Variants in EFNB1 observed in about 807,000 individuals in gnomAD.
EFNB1 encodes the protein ephrin-B1.
EFNB1 carries 1 observed loss-of-function variant against 18.1 expected under a neutral mutation model. That is an observed-to-expected ratio of 0.06 (90% CI 0.02 to 0.26). The LOEUF (loss-of-function observed/expected upper bound fraction) is 0.26, where lower values mean the gene tolerates loss of function less well. Among genes scored for constraint, EFNB1 ranks in the 10% least tolerant of loss-of-function variants. EFNB1 has a pLI of 1.00. For synonymous variants in EFNB1, 131 were observed against 127.5 expected, an observed-to-expected ratio of 1.03 and a Z score of -0.19; for missense variants, 221 against 301.8, an observed-to-expected ratio of 0.73 and a Z score of 1.98.
At chrX:68,837,979 C>T (rs775728921) in intron 1 of EFNB1, among the ~76,000 whole-genome samples, 14 of 112,109 alleles carry the variant, frequency 1.2e-4, no homozygotes, top group Non-Finnish European at 2.3e-4. Context: ...TTGCTCCAGG[C>T]GATGCCTGTT....
intron 1 of EFNB1, among the ~76,000 whole-genome samples, chrX:68,830,353 G>A (rs2080441559): frequency 1.8e-5 from 2 of 113,030 alleles, no homozygotes; most frequent in Non-Finnish European, 3.8e-5. Context: ...GCTGTGGAGG[G>A]AACACAGAGC....
intron 1 of EFNB1, among the ~76,000 whole-genome samples, chrX:68,835,541 C>G (rs567193252): frequency 1.8e-5 from 2 of 111,093 alleles, no homozygotes; most frequent in East Asian, 5.7e-4. Context: ...CCCTTATGGC[C>G]CGTTACCACT....
chrX:68,840,717 C>A lies in EFNB1; in HGVS notation c.*63C>A. On this transcript the variant is annotated 3_prime_UTR_variant, in exon 5 of 5. Coordinates refer to ENST00000204961, the MANE Select transcript of EFNB1 (RefSeq NM_004429.5). ...GCCTGGACCGGACCTCTCCTTTCGC[C>A]CCCACACCCCCTCCCCTTGCCAGCT... 9.1e-7 allele frequency: 1 copy of A among 1,094,369 alleles called. No homozygotes were observed. Among genetic ancestry groups the A allele is most frequent in the Non-Finnish European group, 1.2e-6 (1 of 807,443 alleles). 90.2% of individuals were successfully genotyped at this position (1,094,369 alleles called of 1,213,427 possible).
intron 1 of EFNB1, among the ~76,000 whole-genome samples, chrX:68,834,164 A>C (rs1022122709): frequency 8.9e-6 from 1 of 111,812 alleles, no homozygotes; most frequent in African/African-American, 3.3e-5. Context: ...CAACTTCCTC[A>C]TTTGACTTTT....
chrX:68,829,169 C>T lies in EFNB1; in HGVS notation c.-608C>T, dbSNP rs753539365. Reference sequence around the variant, plus strand: ...GGGGCGCAAACTAATGGGACTGGCTCGCTCGGCAGCATCTCCCCGCTCTTC... The same window carrying T: ...GGGGCGCAAACTAATGGGACTGGCTTGCTCGGCAGCATCTCCCCGCTCTTC... On this transcript the variant is annotated 5_prime_UTR_variant, in exon 1 of 5. Coordinates refer to ENST00000204961, the MANE Select transcript of EFNB1 (RefSeq NM_004429.5). 2 of 116,169 alleles carry T rather than the reference C, an allele frequency of 1.7e-5. No homozygotes were observed. Among genetic ancestry groups the T allele is most frequent in the Admixed American group, 1.8e-4 (2 of 11,064 alleles). The allele number at this position is 116,169 out of a possible 1,213,427, so 9.6% of individuals were successfully genotyped here.
chrX:68,830,656 C>T (rs1461883411), intron 1 of EFNB1, among the ~76,000 whole-genome samples: 1 of 112,134 alleles, frequency 8.9e-6, no homozygotes, highest in Non-Finnish European at 1.9e-5. Flanking sequence ...TTCAAGGGCC[C>T]GCCAGGGCGG....
intron 4 of EFNB1, 68 bp from the exon 5 acceptor site, chrX:68,840,174 T>C: frequency 8.3e-7 from 1 of 1,210,101 alleles, no homozygotes; most frequent in East Asian, 3.0e-5. Flanking sequence ...AAGCTGGGCC[T>C]GGCCTGAAAT....
chrX:68,839,849 G>A lies in EFNB1; in HGVS notation c.499+93G>A, dbSNP rs746782658. 1,404 of 1,176,580 alleles carry A rather than the reference G, an allele frequency of 1.2e-3. 16 individuals are homozygous for A. Among genetic ancestry groups the A allele is most frequent in the Non-Finnish European group, 9.1e-5 (79 of 870,076 alleles). The stretch of plus-strand genomic sequence containing the variant: ...GGGTGCATGTGTATTAGGAGTGGGG[G>A]AGCAGGCGTAGGGTTACAGTATCCA... On this transcript the variant is annotated intron_variant, in intron 3 of 4. Coordinates refer to ENST00000204961, the MANE Select transcript of EFNB1 (RefSeq NM_004429.5).
rs2080438481 is a variant in EFNB1, at chrX:68,829,628, G to A, written c.-149G>A. The A allele has an allele frequency of 2.0e-6, 2 of 997,038 alleles. No individual in the cohort carries two copies. Among genetic ancestry groups the A allele is most frequent in the Non-Finnish European group, 2.7e-6 (2 of 734,790 alleles). The allele number at this position is 997,038 out of a possible 1,213,427, so 82.2% of individuals were successfully genotyped here. On this transcript the variant is annotated 5_prime_UTR_variant, in exon 1 of 5. Coordinates refer to ENST00000204961, the MANE Select transcript of EFNB1 (RefSeq NM_004429.5). ...CGGCCGGGCGGAGAAGAGCGACACC[G>A]AAGCCGGCGGGAGGGGAGCACTTCA...
chrX:68,834,634 A>G (rs2080455945), intron 1 of EFNB1, among the ~76,000 whole-genome samples: 1 of 113,002 alleles, frequency 8.8e-6, no homozygotes, highest in Non-Finnish European at 1.9e-5. Context: ...CTGGGATGAG[A>G]ACAGACTTGA....
At chrX:68,831,499 G>A (rs2080445383) in intron 1 of EFNB1, among the ~76,000 whole-genome samples, 2 of 111,451 alleles carry the variant, frequency 1.8e-5, no homozygotes, top group Admixed American at 9.5e-5. Flanking sequence ...GAGCCCAGGG[G>A]GGAACGTTGT....
chrX:68,838,557 C>T lies in EFNB1; in HGVS notation c.129-60C>T, dbSNP rs2080468251. On this transcript the variant is annotated intron_variant, in intron 1 of 4. Transcript: ENST00000204961. ...CCGGCTCTTGTCCGCTTCCCTGGTT[C>T]TGGAATGGCCTGGGGCCACCCCCAA... The T allele has an allele frequency of 5.0e-6, 6 of 1,194,250 alleles. No homozygotes were observed. In the African/African-American group the frequency reaches 1.0e-4, roughly 21 times the overall value.
At chrX:68,833,251 G>A (rs1224304059) in intron 1 of EFNB1, among the ~76,000 whole-genome samples, 1 of 111,371 alleles carries the variant, frequency 9.0e-6, no homozygotes, top group Non-Finnish European at 1.9e-5. Context: ...CCTTTTCCGG[G>A]GTGGTTAGGG....
rs1206291895 is a variant in EFNB1 at position 68,829,737 on chromosome X, G to A, written c.-40G>A. 2 of 1,174,485 alleles carry A rather than the reference G, an allele frequency of 1.7e-6. No individual in the cohort carries two copies. Among genetic ancestry groups the A allele is most frequent in the Admixed American group, 5.0e-5 (2 of 40,081 alleles). ...AAGGCGAGGCGAGCTTTGGTGAGGAGGCGCCAAGGGATCCCGAAGTGCAGT... is the reference window on the plus strand; with the variant it reads ...AAGGCGAGGCGAGCTTTGGTGAGGAAGCGCCAAGGGATCCCGAAGTGCAGT... On this transcript the variant is annotated 5_prime_UTR_variant, in exon 1 of 5. Transcript: ENST00000204961.
chrX:68,834,057 C>A (rs7050877), intron 1 of EFNB1, among the ~76,000 whole-genome samples: 1 of 112,311 alleles, frequency 8.9e-6, no homozygotes, highest in Non-Finnish European at 1.9e-5. Context: ...GGGAAGAGGC[C>A]CTGGCTCCCT....
rs762694943 is a variant in EFNB1 at position 68,840,009 on chromosome X, G to T, written c.549G>T (p.Lys183Asn). 1 of 1,212,106 alleles carries T rather than the reference G, an allele frequency of 8.3e-7. No individual in the cohort carries two copies. Among genetic ancestry groups the T allele is most frequent in the Non-Finnish European group, 1.1e-6 (1 of 895,530 alleles). The change falls in exon 4 of 5, where the codon AAG becomes AAT. Residue 183 changes from lysine (K) to asparagine (N), a missense_variant. By Grantham distance (94) the Lys-to-Asn change is moderately conservative. Coordinates refer to ENST00000204961, the MANE Select transcript of EFNB1 (RefSeq NM_004429.5). ...PEQLTTSRPS[K>N]EADNTVKMAT... ...AGCTGACTACCAGCAGGCCCAGCAAGGAGGCAGACAACACTGTCAAGATGG... is the reference window on the plus strand; with the variant it reads ...AGCTGACTACCAGCAGGCCCAGCAATGAGGCAGACAACACTGTCAAGATGG...
At chrX:68,838,172 T>TGTGCGC (rs1414068420) in intron 1 of EFNB1, among the ~76,000 whole-genome samples, 1 of 31,752 alleles carries the variant, frequency 3.1e-5, no homozygotes, top group Non-Finnish European at 5.4e-5. Flanking sequence ...TGTGTGTGTG[T>TGTGCGC]GCGCGCGCGC....
rs906920272 is a variant in EFNB1, at chrX:68,830,020, T to C, written c.128+116T>C. The C allele has an allele frequency of 6.0e-6, 6 of 1,006,537 alleles. No homozygotes were observed. The South Asian group carries it at 8.4e-5, about 14-fold the overall frequency. 82.9% of individuals were successfully genotyped at this position (1,006,537 alleles called of 1,213,427 possible). On this transcript the variant is annotated intron_variant, in intron 1 of 4. Transcript: ENST00000204961. ...GGAGGAGGAGCGGCGCCTCATTTTG[T>C]CTCCGGCTTTTTCGAGTGTTTTCCT...
At position 68,838,779 on chromosome X, in the gene EFNB1, G is replaced by T; in HGVS notation, c.291G>T (p.Val97=). ...GTAGCACAGTTCTCGACCCCAACGT[G>T]TTGGTCACCTGCAATAGGCCAGAGC... The part of the protein sequence containing the change: ...AACSTVLDPN[V]LVTCNRPEQE... Residue 97 remains valine (V), a synonymous_variant, in exon 2 of 5, where the codon GTG becomes GTT. Transcript: ENST00000204961. 3.3e-6 allele frequency: 4 copies of T among 1,210,202 alleles called. No individual in the cohort carries two copies. Among genetic ancestry groups the T allele is most frequent in the Non-Finnish European group, 2.2e-6 (2 of 894,667 alleles).
Sources: gnomAD v4.1 joint callset for allele counts (sites outside exome capture counted in the v4.1 genomes callset) on GRCh38, gnomAD v4.1.1 for gene constraint, MANE v1.5 for transcripts, NCBI Gene and HGNC (gene_info 2026-07-23, HGNC 2026-07-21) for gene names.